CLCN4: variants seen among roughly 807,000 people sequenced by gnomAD.
CLCN4 encodes Cl-/H+ antiporter 4.
In CLCN4, 1 loss-of-function variant was observed where a neutral mutation model predicts 41.7. That is an observed-to-expected ratio of 0.02 (90% confidence interval 0.01 to 0.11). The LOEUF is 0.11. Ranked by LOEUF, CLCN4 falls within the 10% of genes least tolerant of loss-of-function variation. The pLI is 1.00. For synonymous variants in CLCN4, 277 were observed against 285.8 expected (o/e 0.97, Z 0.31); for missense variants, 287 against 661.0 (o/e 0.43, Z 6.20).
Position 10,220,653 on chromosome X carries a change from C to T in CLCN4, c.1976-8C>T. On this transcript the variant is annotated splice_region_variant and splice_polypyrimidine_tract_variant and intron_variant, in intron 11 of 12. Transcript: ENST00000380833. ...TGTGGCTCATTGTTCCTGCTCACCC[C>T]ATTCTAGAGAACGCCAGACAGAGGC... The T allele has an allele frequency of 8.3e-7, 1 of 1,202,901 alleles. No homozygotes were observed. The highest frequency in any genetic ancestry group is 1.1e-6 in the Non-Finnish European group (1 of 887,460).
intron 6 of CLCN4, among the ~76,000 whole-genome samples, chrX:10,203,411 C>T (rs190877139): frequency 1.1e-4 from 12 of 111,197 alleles, no homozygotes; most frequent in African/African-American, 3.9e-4. Flanking sequence ...TCAGGAAACA[C>T]CATCTGACTG....
intron 4 of CLCN4, among the ~76,000 whole-genome samples, chrX:10,192,302 A>G (rs1296631156): frequency 1.8e-5 from 2 of 111,184 alleles, no homozygotes; most frequent in African/African-American, 3.3e-5. Context: ...GCTAATTGTG[A>G]TATTAGGATG....
At position 10,212,675 on chromosome X, in the gene CLCN4, G is replaced by A. The variant is rs767657932; in HGVS notation, c.1576+22G>A. On this transcript the variant is annotated intron_variant, in intron 10 of 12. Coordinates refer to ENST00000380833, the MANE Select transcript of CLCN4 (RefSeq NM_001830.4). ...CTCGGTACGACCATGGGTGGGGCAG[G>A]GAGGGGGACCGGGGAACTAATCTGG... 3.5e-5 allele frequency: 41 copies of A among 1,179,835 alleles called. No homozygotes were observed. The East Asian group carries it at 1.2e-3, about 34-fold the overall frequency.
intron 12 of CLCN4, among the ~76,000 whole-genome samples, chrX:10,223,284 A>G (rs67583581): frequency 9.0e-6 from 1 of 110,904 alleles, no homozygotes; most frequent in East Asian, 2.8e-4. Flanking sequence ...AATAATCCAA[A>G]GTCAATTATC....
rs774499546 is a variant in CLCN4, at chrX:10,206,584, A to G, written c.762+20A>G. The G allele has an allele frequency of 1.7e-6, 2 of 1,203,154 alleles. No homozygotes were observed. The highest frequency in any genetic ancestry group is 1.1e-6 in the Non-Finnish European group (1 of 889,125). On this transcript the variant is annotated intron_variant, in intron 7 of 12. Transcript: ENST00000380833. Reference sequence around the variant, plus strand: ...CGGGAGGTGAGCCAGCTCAGCTTCCATCTGCAGCGAAACTTTCTTCTCAAA... The same window carrying G: ...CGGGAGGTGAGCCAGCTCAGCTTCCGTCTGCAGCGAAACTTTCTTCTCAAA...
intron 12 of CLCN4, among the ~76,000 whole-genome samples, chrX:10,226,584 C>T (rs559677845): frequency 7.2e-5 from 8 of 110,833 alleles, no homozygotes; most frequent in African/African-American, 2.3e-4. Context: ...AAAAACCCTT[C>T]GAAAAATCAA....
At chrX:10,216,895 G>GTGTGTGTATATA (rs1924725673) in intron 11 of CLCN4, among the ~76,000 whole-genome samples, 1 of 2,096 alleles carries the variant, frequency 4.8e-4, no homozygotes, top group Admixed American at 0.012. Flanking sequence ...GTGTGTGTGT[G>GTGTGTGTATATA]TGTATATATA....
chrX:10,190,410 A>G (rs1923928415), intron 4 of CLCN4, among the ~76,000 whole-genome samples: 1 of 111,712 alleles, frequency 9.0e-6, no homozygotes, highest in Non-Finnish European at 1.9e-5. Flanking sequence ...CAGTTTTAAA[A>G]AGTTAAAAAA....
intron 9 of CLCN4, among the ~76,000 whole-genome samples, chrX:10,211,504 G>C (rs1414680565): frequency 9.0e-6 from 1 of 111,349 alleles, no homozygotes; most frequent in Admixed American, 9.6e-5. Context: ...TGATGTTACA[G>C]GGATATAAAT....
At chrX:10,216,860 C>T (rs1048758952) in intron 11 of CLCN4, among the ~76,000 whole-genome samples, 3 of 66,347 alleles carry the variant, frequency 4.5e-5, no homozygotes, top group Non-Finnish European at 6.0e-5. Flanking sequence ...GTGGTGTCAT[C>T]TACACCTTTC....
intron 10 of CLCN4, 94 bp downstream of exon 10, chrX:10,212,747 T>C: frequency 1.2e-6 from 1 of 839,174 alleles, no homozygotes; most frequent in South Asian, 2.6e-5. Flanking sequence ...ACATTTTCTT[T>C]ACTCAGGATA....
At chrX:10,230,581 G>A (rs1204921589) in intron 12 of CLCN4, among the ~76,000 whole-genome samples, 2 of 112,082 alleles carry the variant, frequency 1.8e-5, no homozygotes, top group African/African-American at 6.5e-5. Flanking sequence ...CCCTTGTTGG[G>A]CCTTGAATCT....
chrX:10,203,449 T>C (rs1323735729), intron 6 of CLCN4, among the ~76,000 whole-genome samples: 1 of 111,452 alleles, frequency 9.0e-6, no homozygotes, highest in Non-Finnish European at 1.9e-5. Flanking sequence ...GCACATGTTC[T>C]GTAGGAAGGA....
intron 6 of CLCN4, among the ~76,000 whole-genome samples, chrX:10,204,293 C>A (rs1050474266): frequency 8.9e-6 from 1 of 111,881 alleles, no homozygotes; most frequent in African/African-American, 3.3e-5. Context: ...AGATAACACT[C>A]CCTATAGTCA....
intron 5 of CLCN4, among the ~76,000 whole-genome samples, chrX:10,196,051 A>G (rs1196446259): frequency 1.8e-5 from 2 of 111,923 alleles, no homozygotes; most frequent in Non-Finnish European, 3.8e-5. Context: ...CAGCTGTCAG[A>G]CTGTTTTCCA....
At chrX:10,216,914 T>TACACACAC (rs1234191022) in intron 11 of CLCN4, among the ~76,000 whole-genome samples, 3 of 19,904 alleles carry the variant, frequency 1.5e-4, no homozygotes, top group African/African-American at 6.6e-4. Context: ...TATATATATA[T>TACACACAC]ATATACACAC....
chrX:10,157,911 G>A (rs1922991850), intron 1 of CLCN4, among the ~76,000 whole-genome samples: 1 of 111,881 alleles, frequency 8.9e-6, no homozygotes, highest in South Asian at 3.7e-4. Flanking sequence ...TTTTTCCTTT[G>A]GCAAATACAA....
chrX:10,195,289 T>C (rs1924068391), intron 5 of CLCN4, among the ~76,000 whole-genome samples, 191 bp downstream of exon 5: 1 of 110,370 alleles, frequency 9.1e-6, no homozygotes, highest in Admixed American at 9.7e-5. Context: ...GCAAAACCCT[T>C]CCCCACTGTT....
rs564287701 is a variant in CLCN4 at position 10,234,456 on chromosome X, T to C, written c.*872T>C. 7 of 113,346 alleles carry C rather than the reference T, an allele frequency of 6.2e-5. No individual in the cohort carries two copies. Among genetic ancestry groups the C allele is most frequent in the African/African-American group, 2.2e-4 (7 of 31,173 alleles). The allele number at this position is 113,346 out of a possible 1,213,427, so 9.3% of individuals were successfully genotyped here. A position where few individuals can be genotyped will look rare whatever the true frequency, so the allele number is the denominator to read the frequency against. On this transcript the variant is annotated 3_prime_UTR_variant, in exon 13 of 13. Coordinates refer to ENST00000380833, the MANE Select transcript of CLCN4 (RefSeq NM_001830.4). The stretch of plus-strand genomic sequence containing the variant: ...AATATTGATCAGCTCAGCACTTCCA[T>C]GGGCCATAGCCGGTATGCCCCCAGC...
Sources: allele counts gnomAD v4.1 joint callset (sites outside exome capture counted in the v4.1 genomes callset), GRCh38; gene constraint gnomAD v4.1.1; transcripts MANE v1.5; gene names NCBI Gene and HGNC (gene_info 2026-07-23, HGNC 2026-07-21).